The following PCDH15 variants were observed in gnomAD, a reference collection of about 807,000 sequenced individuals.
PCDH15 encodes protocadherin-15.
PCDH15 carries 129 observed loss-of-function variants against 178.5 expected under a neutral mutation model. The ratio of observed to expected loss-of-function variants is 0.72; its 90% CI spans 0.63 to 0.84. The LOEUF is 0.84. PCDH15 is among the 40% of genes least tolerant of loss of function. PCDH15 has a pLI of 0.00. For missense variants in PCDH15, 2,230 were observed against 2,099.9 expected, an observed-to-expected ratio of 1.06 and a Z score of -1.21; for synonymous variants, 800 against 732.0, an observed-to-expected ratio of 1.09 and a Z score of -1.50.
intron 1 of PCDH15, among the ~76,000 whole-genome samples, chr10:54,671,572 A>G (rs2135509594): frequency 6.6e-6 from 1 of 152,252 alleles, no homozygotes; most frequent in Non-Finnish European, 1.5e-5. Context: ...GGACAATAAA[A>G]TCCATTTTAT....
chr10:54,355,882 A>T (rs1944902207), intron 5 of PCDH15, among the ~76,000 whole-genome samples: 1 of 152,072 alleles, frequency 6.6e-6, no homozygotes, highest in African/African-American at 2.4e-5. Context: ...ATTGAAAAGC[A>T]TTCAATAAGC....
chr10:55,032,971 A>T (rs1326460740), intron 2 of PCDH15, among the ~76,000 whole-genome samples: 2 of 152,140 alleles, frequency 1.3e-5, no homozygotes, highest in African/African-American at 4.8e-5. Context: ...TAGGTGGCCC[A>T]GTTGTGCCTG....
At chr10:54,950,397 A>T (rs117551852) in intron 2 of PCDH15, among the ~76,000 whole-genome samples, 24,486 of 151,760 alleles carry the variant, frequency 0.16, 2,194 homozygotes, top group East Asian at 0.23. Flanking sequence ...GTCTTTCCTG[A>T]GCTGTTCTCA....
intron 1 of PCDH15, among the ~76,000 whole-genome samples, chr10:55,255,746 G>C (rs112860633): frequency 2.2e-4 from 33 of 152,278 alleles, no homozygotes; most frequent in African/African-American, 7.5e-4. Context: ...CTGCATAAAT[G>C]TCTTCTTTTG....
intron 8 of PCDH15, among the ~76,000 whole-genome samples, chr10:54,309,695 C>T (rs1278350443): frequency 1.3e-5 from 2 of 151,840 alleles, no homozygotes; most frequent in African/African-American, 2.4e-5. Context: ...ACTTGGGAGG[C>T]TGAGAGAGGA....
chr10:54,125,872 C>T (rs1444214141), intron 15 of PCDH15, among the ~76,000 whole-genome samples: 2 of 152,086 alleles, frequency 1.3e-5, no homozygotes, highest in South Asian at 4.2e-4. Context: ...GCAATTGACC[C>T]TTTTTTCTCA....
chr10:54,033,361 T>A (rs986269983), intron 18 of PCDH15, among the ~76,000 whole-genome samples: 6 of 151,920 alleles, frequency 3.9e-5, no homozygotes. Flanking sequence ...ATCCATGCTT[T>A]ATACATAAGA....
At position 54,103,927 on chromosome 10, in the gene PCDH15, A is replaced by G. The variant is rs2094860751; in HGVS notation, c.1918-13864T>C. Among the ~76,000 whole-genome samples, 5 of 152,094 alleles carry G rather than the reference A, an allele frequency of 3.3e-5. No individual in the cohort carries two copies. The South Asian group carries it at 1.0e-3, about 32-fold the overall frequency. On this transcript the variant is annotated intron_variant, in intron 15 of 37. Coordinates refer to ENST00000644397, the MANE Select transcript of PCDH15 (RefSeq NM_001384140.1). ...TTCTGCTTATATAAATTAAAAAAAC[A>G]TAACAAAACAAAATAAACTCGAGCA... is the stretch of plus-strand genomic sequence containing the variant.
At chr10:55,265,329 G>A (rs1466387723) in intron 1 of PCDH15, among the ~76,000 whole-genome samples, 3 of 121,952 alleles carry the variant, frequency 2.5e-5, no homozygotes, top group African/African-American at 1.2e-4. Context: ...TATATATATA[G>A]ACATAGAGAT....
rs530810791 is a variant in PCDH15 at position 54,775,417 on chromosome 10, G to C, written c.-29+25508C>G. ...ATAGTGATGTTTAGATACACACAACGTATAGTAATCAGATCAGGGTAATTA... is the reference window on the plus strand; with the variant it reads ...ATAGTGATGTTTAGATACACACAACCTATAGTAATCAGATCAGGGTAATTA... On this transcript the variant is annotated intron_variant, in intron 1 of 37. Transcript: ENST00000644397. Among the ~76,000 whole-genome samples, 4 of 152,226 alleles carry C rather than the reference G, an allele frequency of 2.6e-5. No individual in the cohort carries two copies. The East Asian group carries it at 7.7e-4, about 29-fold the overall frequency.
chr10:54,812,737 G>T (rs149237070), intron 3 of PCDH15, among the ~76,000 whole-genome samples: 1,552 of 152,164 alleles, frequency 0.01, 29 homozygotes, highest in African/African-American at 0.036. Context: ...GATAACAGGT[G>T]TGAGCCACCA....
chr10:53,873,201 A>G (rs569092153), intron 26 of PCDH15, among the ~76,000 whole-genome samples: 2 of 152,200 alleles, frequency 1.3e-5, no homozygotes, highest in Non-Finnish European at 2.9e-5. Flanking sequence ...TTACTTTACA[A>G]TCATGCCTTA....
intron 1 of PCDH15, among the ~76,000 whole-genome samples, chr10:54,787,197 T>G (rs1950959198): frequency 6.6e-6 from 1 of 151,808 alleles, no homozygotes; most frequent in Non-Finnish European, 1.5e-5. Context: ...TTGACAAATA[T>G]ATGCTAAAAG....
chr10:54,100,090 G>A (rs774069344), intron 15 of PCDH15, among the ~76,000 whole-genome samples: 4 of 152,152 alleles, frequency 2.6e-5, no homozygotes, highest in East Asian at 1.9e-4. Flanking sequence ...CTCAGTGGTC[G>A]GGCATGGTGG....
chr10:54,314,397 T>G (rs2061105927), intron 8 of PCDH15, among the ~76,000 whole-genome samples: 2 of 152,042 alleles, frequency 1.3e-5, no homozygotes, highest in South Asian at 4.1e-4. Context: ...TTGTAGAAAT[T>G]TTAAAAGATT....
At position 55,484,113 on chromosome 10, in the gene PCDH15, G is replaced by A. The variant is rs148384028; in HGVS notation, c.-156+143512C>T. Among the ~76,000 whole-genome samples, 20 of 151,746 alleles carry A rather than the reference G, an allele frequency of 1.3e-4. No homozygotes were observed. In the East Asian group the frequency reaches 3.3e-3, roughly 25 times the overall value. On this transcript the variant is annotated intron_variant, in intron 2 of 5. Coordinates refer to the PCDH15 transcript ENST00000613346. ...GATGAGACACATGGACACTGAGAGGGGAACAACACACGCTGGGGCCTTCTG... is the reference window on the plus strand; with the variant it reads ...GATGAGACACATGGACACTGAGAGGAGAACAACACACGCTGGGGCCTTCTG...
At chr10:55,409,928 C>T (rs1191328013) in intron 2 of PCDH15, among the ~76,000 whole-genome samples, 2 of 152,028 alleles carry the variant, frequency 1.3e-5, no homozygotes, top group Admixed American at 6.6e-5. Context: ...GAACTGAAGG[C>T]TATAATTAAC....
At chr10:54,801,454 G>A (rs1384521676), upstream of PCDH15, among the ~76,000 whole-genome samples, 2 of 152,162 alleles carry the variant, frequency 1.3e-5, no homozygotes, top group Non-Finnish European at 2.9e-5. Context: ...ACTGATCATC[G>A]GTACTGGCTG....
At chr10:55,286,458 A>G (rs969690447) in intron 1 of PCDH15, among the ~76,000 whole-genome samples, 1 of 150,146 alleles carries the variant, frequency 6.7e-6, no homozygotes, top group Non-Finnish European at 1.5e-5. Flanking sequence ...TATAATGAAA[A>G]CCTCATTAGG....
Sources: gnomAD v4.1 joint callset for allele counts (sites outside exome capture counted in the v4.1 genomes callset) on GRCh38, gnomAD v4.1.1 for gene constraint, MANE v1.5 for transcripts, NCBI Gene and HGNC (gene_info 2026-07-23, HGNC 2026-07-21) for gene names.